PASK: variants seen among roughly 807,000 people sequenced by gnomAD.
The protein encoded by PASK is PAS domain-containing serine/threonine-protein kinase.
Under a neutral mutation model 121.0 loss-of-function variants are expected in PASK, and 110 were observed. That is an observed-to-expected ratio of 0.91 (90% CI 0.78 to 1.06). PASK has a LOEUF of 1.06. Ranked by LOEUF, PASK falls within the 50% of genes least tolerant of loss-of-function variation. The probability of loss-of-function intolerance (pLI) is 0.00; values close to 1 mark genes in which losing one functional copy is unlikely to be tolerated. For synonymous variants in PASK, 686 were observed against 717.8 expected, an observed-to-expected ratio of 0.96 and a Z score of 0.71; for missense variants, 1,643 against 1,702.3, an observed-to-expected ratio of 0.97 and a Z score of 0.61.
chr2:241,142,699 G>A (rs78631284), intron 2 of PASK, 138 bp downstream of exon 2: 168 of 701,670 alleles, frequency 2.4e-4, no homozygotes, highest in African/African-American at 9.8e-4. Context: ...AGCATGAGCC[G>A]AGCACTTAAA....
In PASK at chr2:241,127,051, GCCA is replaced by G. The variant is rs768462174; in HGVS notation, c.1861_1863del (p.Trp621del). On this transcript the variant is annotated inframe_deletion, in exon 10 of 18. Transcript: ENST00000234040. ...GGGCTGGGGGCCAAGTCCTGGCTTC[GCCA>G]CCACAAGCCCCATTCACTCCCATAG... 10 of 1,613,944 alleles carry G rather than the reference GCCA, an allele frequency of 6.2e-6. No homozygotes were observed. The East Asian group carries it at 8.9e-5, about 14-fold the overall frequency.
chr2:241,138,281 G>C (rs571481573), intron 5 of PASK, among the ~76,000 whole-genome samples, 194 bp from the exon 6 acceptor site: 1 of 152,346 alleles, frequency 6.6e-6, no homozygotes, highest in Non-Finnish European at 1.5e-5. Context: ...TACCTAAATT[G>C]TGGGCCTTCT....
chr2:241,136,608 C>T (rs921614734), intron 7 of PASK, among the ~76,000 whole-genome samples: 7 of 152,232 alleles, frequency 4.6e-5, no homozygotes, highest in African/African-American at 1.7e-4. Context: ...TGTGGGAACC[C>T]CTCATCCAGG....
At chr2:241,114,761 T>G in intron 14 of PASK, 1 of 1,402,420 alleles carries the variant, frequency 7.1e-7, no homozygotes, top group Non-Finnish European at 9.2e-7. Flanking sequence ...TTATGATTGT[T>G]GTGGATATTT....
intron 14 of PASK, chr2:241,114,144 C>T (rs1204275756): frequency 1.9e-5 from 19 of 985,108 alleles, no homozygotes; most frequent in Non-Finnish European, 2.3e-5. Flanking sequence ...GTGTTGGCCA[C>T]AAACTAAAGG....
chr2:241,125,708 AG>A (rs2065826101), intron 10 of PASK, among the ~76,000 whole-genome samples: 1 of 152,152 alleles, frequency 6.6e-6, no homozygotes, highest in African/African-American at 2.4e-5. Flanking sequence ...CCCTCACAGA[AG>A]GGCAGGTTTT....
rs200817618 is a variant in PASK, at chr2:241,126,800, G to A, written c.2115C>T (p.Cys705=). 1.4e-4 allele frequency: 226 copies of A among 1,613,912 alleles called. No individual in the cohort carries two copies. The highest frequency in any genetic ancestry group is 1.8e-4 in the Non-Finnish European group (214 of 1,179,934). The part of the protein sequence containing the change: ...SSCDLGGRDL[C]GGCTGSSSAC... ...CTGAGGAGCTGCCCGTGCAGCCACC[G>A]CACAGGTCTCTGCCTCCCAGATCGC... is the stretch of plus-strand genomic sequence containing the variant. Residue 705 remains cysteine, a synonymous_variant, in exon 10 of 18, where the codon TGC becomes TGT. Transcript: ENST00000234040.
intron 1 of PASK, among the ~76,000 whole-genome samples, chr2:241,148,201 T>C (rs2067067255): frequency 6.6e-6 from 1 of 151,964 alleles, no homozygotes; most frequent in Admixed American, 6.6e-5. Context: ...CATATTCCCA[T>C]TGCTAGTTTT....
In PASK at chr2:241,136,941, G is replaced by A. The variant is rs1034607916; in HGVS notation, c.1137+63C>T. 7.5e-5 allele frequency: 113 copies of A among 1,504,556 alleles called. 1 individual carries two copies. Among genetic ancestry groups the A allele is most frequent in the Admixed American group, 4.7e-4 (28 of 59,756 alleles). The allele number at this position is 1,504,556 out of a possible 1,614,324, so 93.2% of individuals were successfully genotyped here. A position where few individuals can be genotyped will look rare whatever the true frequency, so the allele number is the denominator to read the frequency against. On this transcript the variant is annotated intron_variant, in intron 7 of 17. Transcript: ENST00000234040. ...CGAGGCCTGTGCCACACGCAAGCCC[G>A]CACTGCAGAGCACAGCAGCTTCCTC...
chr2:241,149,542 C>T, upstream of PASK: 1 of 993,494 alleles, frequency 1.0e-6, no homozygotes, highest in South Asian at 1.6e-5. Flanking sequence ...CAGCCACTTG[C>T]GCGTATGGGC....
In PASK at chr2:241,149,222, G is replaced by C. The variant is rs111744340; in HGVS notation, c.-43+192C>G. Among the ~76,000 whole-genome samples the C allele has an allele frequency of 9.3e-4, 142 of 152,310 alleles. 1 individual carries two copies. Among genetic ancestry groups the C allele is most frequent in the Middle Eastern group, 3.4e-3 (1 of 292 alleles). ...ACGGCCGCAACCCCGCCGCGATTTGGGCACGGAGAGGACGCGGGCTCGGCG... is the reference window on the plus strand; with the variant it reads ...ACGGCCGCAACCCCGCCGCGATTTGCGCACGGAGAGGACGCGGGCTCGGCG... On this transcript the variant is annotated intron_variant, in intron 1 of 17. Transcript: ENST00000234040.
Position 241,137,036 on chromosome 2 carries a change from A to G in PASK, c.1105T>C (p.Phe369Leu). 6.2e-7 allele frequency: 1 copy of G among 1,613,518 alleles called. No homozygotes were observed. The highest frequency in any genetic ancestry group is 8.5e-7 in the Non-Finnish European group (1 of 1,179,926). Residue 369 changes from phenylalanine (F) to leucine (L), a missense_variant, in exon 7 of 18, where the codon TTT becomes CTT. Physicochemically the swap from Phe to Leu is conservative, Grantham distance 22 (BLOSUM62 0). Transcript: ENST00000234040. ...GINHSFALTL[F>L]GYGKTELLGK... ...AGGAGCTCCGTCTTTCCGTAACCAA[A>G]CAGTGTCAGCGCGAAGCTGTGGTTG...
At chr2:241,132,160 C>A (rs1034035363) in intron 9 of PASK, among the ~76,000 whole-genome samples, 1 of 151,492 alleles carries the variant, frequency 6.6e-6, no homozygotes, top group Non-Finnish European at 1.5e-5. Flanking sequence ...TTTATTTCTA[C>A]TTTTCCAAAT....
chr2:241,111,712 C>T (rs913985502), intron 15 of PASK, among the ~76,000 whole-genome samples: 3 of 152,094 alleles, frequency 2.0e-5, no homozygotes, highest in Non-Finnish European at 4.4e-5. Context: ...CGCCGCTTCT[C>T]CCCACAGCAG....
chr2:241,126,973 G>A lies in PASK; in HGVS notation c.1942C>T (p.Leu648=), dbSNP rs930370874. 1.9e-6 allele frequency: 3 copies of A among 1,614,264 alleles called. No homozygotes were observed. The highest frequency in any genetic ancestry group is 2.5e-6 in the Non-Finnish European group (3 of 1,180,048). The change falls in exon 10 of 18, where the codon CTG becomes TTG. Residue 648 remains leucine, a synonymous_variant. Transcript: ENST00000234040. ...TCTTCTCGGTCGTTTTCCACTCCCAGCCACGGCTCATCTAGAGTAGGTGTC... is the reference window on the plus strand; with the variant it reads ...TCTTCTCGGTCGTTTTCCACTCCCAACCACGGCTCATCTAGAGTAGGTGTC... The part of the protein sequence containing the change: ...FGTPTLDEPW[L]GVENDREELQ...
chr2:241,133,169 G>A, intron 8 of PASK, 139 bp from the exon 9 acceptor site: 1 of 825,052 alleles, frequency 1.2e-6, no homozygotes. Flanking sequence ...AGGCGTCCCA[G>A]GTCCAACCCA....
At chr2:241,115,218 C>T in intron 13 of PASK, 41 bp from the exon 14 acceptor site, 1 of 1,614,050 alleles carries the variant, frequency 6.2e-7, no homozygotes, top group Non-Finnish European at 8.5e-7. Flanking sequence ...ACCAAAACAT[C>T]TTCAAGTCAA....
rs746119390 is a variant in PASK, at chr2:241,126,716, C to T, written c.2199G>A (p.Glu733=). Reference sequence around the variant, plus strand: ...TCCAGGAAAACGAATTCACATCAACCTCCTGGGCCTCCACTGCTTCCAGGC... The same window carrying T: ...TCCAGGAAAACGAATTCACATCAACTTCCTGGGCCTCCACTGCTTCCAGGC... The part of the protein sequence containing the change: ...PGGLEAVEAQ[E]VDVNSFSWNL... The change falls in exon 10 of 18, where the codon GAG becomes GAA. Residue 733 remains glutamate (E), a synonymous_variant. Coordinates refer to ENST00000234040, the MANE Select transcript of PASK (RefSeq NM_015148.4). 108 of 1,614,072 alleles carry T rather than the reference C, an allele frequency of 6.7e-5. No homozygotes were observed. In the South Asian group the frequency reaches 1.1e-3, roughly 17 times the overall value.
rs200076810 is a variant in PASK, at chr2:241,127,004, C to T, written c.1911G>A (p.Ser637=). 2.3e-5 allele frequency: 37 copies of T among 1,614,126 alleles called. No homozygotes were observed. The highest frequency in any genetic ancestry group is 2.9e-5 in the Non-Finnish European group (34 of 1,180,056). Reference sequence around the variant, plus strand: ...GCTCATCTAGAGTAGGTGTCCCAAACGAGAGGCCTGCCATCCCAGAGGGGC... The same window carrying T: ...GCTCATCTAGAGTAGGTGTCCCAAATGAGAGGCCTGCCATCCCAGAGGGGC... The part of the protein sequence containing the change: ...APSPSGMAGL[S]FGTPTLDEPW... Residue 637 remains serine, a synonymous_variant, in exon 10 of 18, where the codon TCG becomes TCA. Transcript: ENST00000234040.
Sources: allele counts gnomAD v4.1 joint callset (sites outside exome capture counted in the v4.1 genomes callset), GRCh38; gene constraint gnomAD v4.1.1; transcripts MANE v1.5; gene names NCBI Gene and HGNC (gene_info 2026-07-23, HGNC 2026-07-21).